The following RALGAPA1 variants were observed in gnomAD, a reference collection of about 807,000 sequenced individuals.
The protein encoded by RALGAPA1 is Ral GTPase activating protein catalytic subunit alpha 1.
A neutral mutation model predicts 269.6 loss-of-function variants in RALGAPA1; 52 were observed. The ratio of observed to expected loss-of-function variants is 0.19; its 90% CI spans 0.15 to 0.24. The LOEUF (loss-of-function observed/expected upper bound fraction) is 0.24. Among genes scored for constraint, RALGAPA1 ranks in the 10% least tolerant of loss-of-function variants. RALGAPA1 has a pLI of 1.00. For missense variants in RALGAPA1, 1,917 were observed against 3,013.9 expected (o/e 0.64, Z 8.52); for synonymous variants, 817 against 1,008.3 (o/e 0.81, Z 3.60).
Position 35,732,915 on chromosome 14 carries a change from A to G in RALGAPA1, c.1588-4405T>C, listed in dbSNP as rs151315135. Among the ~76,000 whole-genome samples, 18 of 152,366 alleles carry G rather than the reference A, an allele frequency of 1.2e-4. 1 individual carries two copies. The highest frequency in any genetic ancestry group is 3.8e-4 in the African/African-American group (16 of 41,594). On this transcript the variant is annotated intron_variant, in intron 12 of 41. Transcript: ENST00000680220. ...ACAAATGGACTTAACAGATATATACAGAACATTTCATCCAACAACTGCAGA... is the reference window on the plus strand; with the variant it reads ...ACAAATGGACTTAACAGATATATACGGAACATTTCATCCAACAACTGCAGA...
chr14:35,660,709 A>G (rs2063485334), intron 27 of RALGAPA1, among the ~76,000 whole-genome samples: 2 of 152,100 alleles, frequency 1.3e-5, no homozygotes, highest in South Asian at 2.1e-4. Context: ...TGTCCCTTGA[A>G]GGACTAATGG....
At chr14:35,658,192 A>C (rs1437212271) in intron 28 of RALGAPA1, among the ~76,000 whole-genome samples, 1 of 152,226 alleles carries the variant, frequency 6.6e-6, no homozygotes, top group Admixed American at 6.5e-5. Context: ...TTAGCGTAAA[A>C]GAACAATTTT....
intron 41 of RALGAPA1, among the ~76,000 whole-genome samples, chr14:35,546,951 G>T (rs1017198336): frequency 6.6e-6 from 1 of 151,756 alleles, no homozygotes; most frequent in African/African-American, 2.4e-5. Context: ...TTTTTATTTT[G>T]TGTTGAACTG....
At position 35,539,324 on chromosome 14, in the gene RALGAPA1, T is replaced by C. The variant is rs1175134673; in HGVS notation, c.*390A>G. On this transcript the variant is annotated 3_prime_UTR_variant, in exon 42 of 42. Coordinates refer to ENST00000680220, the MANE Select transcript of RALGAPA1 (RefSeq NM_001346249.2). ...TAAAACTCCCCCTGCCCTCAAAATA[T>C]GGCAGCTTGGATTGTGGGAAAAAAA... is the stretch of plus-strand genomic sequence containing the variant. 8.6e-6 allele frequency: 4 copies of C among 465,130 alleles called. No homozygotes were observed. Among genetic ancestry groups the C allele is most frequent in the African/African-American group, 2.0e-5 (1 of 49,346 alleles). The allele number at this position is 465,130 out of a possible 1,614,324, so 28.8% of individuals were successfully genotyped here.
At chr14:35,584,482 C>T (rs376270188) in intron 37 of RALGAPA1, among the ~76,000 whole-genome samples, 2 of 152,266 alleles carry the variant, frequency 1.3e-5, no homozygotes, top group Non-Finnish European at 1.5e-5. Context: ...CCAGGCTGGT[C>T]TTGAACTCCT....
Position 35,700,144 on chromosome 14 carries a change from T to TA in RALGAPA1, c.2407+17dup, listed in dbSNP as rs1410182397. 6.6e-7 allele frequency: 1 copy of TA among 1,512,740 alleles called. No homozygotes were observed. The highest frequency in any genetic ancestry group is 1.4e-5 in the African/African-American group (1 of 71,576). 93.7% of individuals were successfully genotyped at this position (1,512,740 alleles called of 1,614,324 possible). On this transcript the variant is annotated intron_variant, in intron 17 of 41. Coordinates refer to ENST00000680220, the MANE Select transcript of RALGAPA1 (RefSeq NM_001346249.2). ...AAAGTGAAAAAGGTGGTGCAGAAAT[T>TA]AGCAGAGGTGGCACTACCTGAAAGC...
chr14:35,616,339 A>C (rs2060252723), intron 35 of RALGAPA1, among the ~76,000 whole-genome samples: 1 of 152,198 alleles, frequency 6.6e-6, no homozygotes, highest in South Asian at 2.1e-4. Context: ...TTAGAGAATT[A>C]GGAGTTGAAC....
intron 31 of RALGAPA1, among the ~76,000 whole-genome samples, chr14:35,649,166 T>C (rs2062654288): frequency 6.6e-6 from 1 of 152,230 alleles, no homozygotes; most frequent in South Asian, 2.1e-4. Flanking sequence ...TGCAACAAAC[T>C]GAGAACTGAA....
At position 35,732,210 on chromosome 14, in the gene RALGAPA1, C is replaced by T. The variant is rs182204178; in HGVS notation, c.1588-3700G>A. On this transcript the variant is annotated intron_variant, in intron 12 of 41. Coordinates refer to ENST00000680220, the MANE Select transcript of RALGAPA1 (RefSeq NM_001346249.2). ...CTGAGAGAATTTGCCAATACCAAGC[C>T]ACCACTAAAAGAACTGCTAAAAGGT... is the stretch of plus-strand genomic sequence containing the variant. Among the ~76,000 whole-genome samples the T allele has an allele frequency of 1.1e-3, 168 of 152,170 alleles. 1 individual carries two copies. The highest frequency in any genetic ancestry group is 4.0e-3 in the African/African-American group (167 of 41,524).
chr14:35,700,218 G>C lies in RALGAPA1; in HGVS notation c.2351C>G (p.Thr784Ser). Residue 784 changes from threonine (T) to serine (S), a missense_variant, in exon 17 of 42, where the codon ACT becomes AGT. This residue lies in a region of RALGAPA1 where 125 missense variants were observed against 155.7 expected (regional missense o/e 0.80). Coordinates refer to ENST00000680220, the MANE Select transcript of RALGAPA1 (RefSeq NM_001346249.2). ...AATATCAGGCAAGAAGGGTTTGGAA[G>C]TATGGATCAGAACAGGAGCACTTTT... Reference protein sequence around the residue: ...SAKSAPVLIHTSKPFLPDIVL... With the variant: ...SAKSAPVLIHSSKPFLPDIVL... The C allele has an allele frequency of 6.5e-7, 1 of 1,535,954 alleles. No individual in the cohort carries two copies. The highest frequency in any genetic ancestry group is 1.4e-5 in the African/African-American group (1 of 73,134).
intron 32 of RALGAPA1, 120 bp from the exon 33 acceptor site, chr14:35,634,877 A>C: frequency 1.9e-6 from 2 of 1,027,970 alleles, no homozygotes; most frequent in Non-Finnish European, 2.7e-6. Context: ...AAATATTTTA[A>C]AACATCAGGC....
intron 1 of RALGAPA1, 50 bp from the exon 2 acceptor site, chr14:35,775,795 G>C (rs372519492): frequency 1.4e-6 from 2 of 1,431,918 alleles, no homozygotes; most frequent in Non-Finnish European, 1.8e-6. Flanking sequence ...GTTAAATCAA[G>C]TTTAGCAAAT....
intron 36 of RALGAPA1, among the ~76,000 whole-genome samples, chr14:35,599,710 C>G (rs757080054): frequency 1.6e-4 from 25 of 152,076 alleles, no homozygotes; most frequent in Non-Finnish European, 3.4e-4. Context: ...CGAGATCATG[C>G]CACTGCACTC....
intron 6 of RALGAPA1, among the ~76,000 whole-genome samples, chr14:35,760,063 C>T (rs1431154353): frequency 6.6e-6 from 1 of 152,082 alleles, no homozygotes; most frequent in Non-Finnish European, 1.5e-5. Context: ...ATTCAATTTA[C>T]ATATAACATT....
chr14:35,766,223 G>A, intron 4 of RALGAPA1: 2 of 813,300 alleles, frequency 2.5e-6, no homozygotes, highest in Non-Finnish European at 4.4e-6. Flanking sequence ...TGATGGAAGT[G>A]CAAGGAATCT....
chr14:35,617,647 G>GGGGGGGA, intron 35 of RALGAPA1, among the ~76,000 whole-genome samples: 1 of 66,986 alleles, frequency 1.5e-5, no homozygotes, highest in Non-Finnish European at 3.0e-5. Flanking sequence ...TGGGGGGGGG[G>GGGGGGGA]GGGGGAAGGG....
intron 27 of RALGAPA1, among the ~76,000 whole-genome samples, chr14:35,661,997 C>A (rs372998900): frequency 1.3e-5 from 2 of 152,046 alleles, no homozygotes; most frequent in African/African-American, 4.8e-5. Flanking sequence ...TGTATACGAG[C>A]GTTTCTTTGG....
intron 22 of RALGAPA1, among the ~76,000 whole-genome samples, chr14:35,675,547 T>C (rs2064869358): frequency 6.6e-6 from 1 of 152,234 alleles, no homozygotes; most frequent in African/African-American, 2.4e-5. Context: ...CTACGAATAC[T>C]GGCAAGATTA....
At chr14:35,552,027 T>C (rs1334796867) in intron 39 of RALGAPA1, among the ~76,000 whole-genome samples, 1 of 152,154 alleles carries the variant, frequency 6.6e-6, no homozygotes, top group East Asian at 1.9e-4. Context: ...CAAACACTGT[T>C]AGCTTGGTAA....
Sources: allele counts gnomAD v4.1 joint callset (sites outside exome capture counted in the v4.1 genomes callset), GRCh38; gene constraint gnomAD v4.1.1; regional missense constraint gnomAD v4.1.1; transcripts MANE v1.5; gene names NCBI Gene and HGNC (gene_info 2026-07-23, HGNC 2026-07-21).